Variants in GUCY2C observed in about 807,000 individuals in gnomAD.
The protein encoded by GUCY2C is guanylyl cyclase C.
Under a neutral mutation model 131.1 loss-of-function variants are expected in GUCY2C, and 118 were observed. The ratio of observed to expected loss-of-function variants is 0.90; its 90% confidence interval spans 0.78 to 1.05. The LOEUF is 1.05. Ranked by LOEUF, GUCY2C falls within the 50% of genes least tolerant of loss-of-function variation. The pLI, the probability that GUCY2C is intolerant of heterozygous loss-of-function variation, is 0.00. For missense variants in GUCY2C, 1,161 were observed against 1,304.4 expected, an observed-to-expected ratio of 0.89 and a Z score of 1.69; for synonymous variants, 452 against 457.8, an observed-to-expected ratio of 0.99 and a Z score of 0.16.
rs557454915 is a variant in GUCY2C, at chr12:14,631,465, A to G, written c.2158-2728T>C. 8.2e-3 allele frequency among the ~76,000 whole-genome samples: 1,241 copies of G among 151,316 alleles called. 8 individuals carry two copies. The highest frequency in any genetic ancestry group is 0.014 in the Middle Eastern group (4 of 294). ...TCTCATTGTTCAATTCCACCTATGA[A>G]TGAGAACATGCGGTGTTTGGTTTTT... On this transcript the variant is annotated intron_variant, in intron 19 of 26. Transcript: ENST00000261170.
rs118078831 is a variant in GUCY2C at position 14,613,277 on chromosome 12, C to T, written c.3062G>A (p.Arg1021His). The change falls in exon 27 of 27, where the codon CGT becomes CAT. Residue 1021 changes from arginine (R) to histidine (H), a missense_variant. Physicochemically the swap from Arg to His is conservative, Grantham distance 29. Transcript: ENST00000261170. The surrounding 1 kb of genome is among the most constrained non-coding windows in gnomAD (Gnocchi z 4.9). Reference sequence around the variant, plus strand: ...CATGTCTGAAAATTCTGCTTGCAAACGCTGTTGATTCTCCCTGGAAACAGA... The same window carrying T: ...CATGTCTGAAAATTCTGCTTGCAAATGCTGTTGATTCTCCCTGGAAACAGA... ...PTPPTVENQQ[R>H]LQAEFSDMIA... 1.2e-4 allele frequency: 197 copies of T among 1,612,526 alleles called. 1 individual carries two copies. In the East Asian group the frequency reaches 1.5e-3, roughly 13 times the overall value.
chr12:14,615,720 A>G (rs969901916), intron 25 of GUCY2C, among the ~76,000 whole-genome samples: 36 of 151,910 alleles, frequency 2.4e-4, no homozygotes, highest in African/African-American at 8.5e-4. Flanking sequence ...ATAGCAATCC[A>G]TAAACTGGTT....
chr12:14,657,185 A>G (rs1947780935), intron 11 of GUCY2C, among the ~76,000 whole-genome samples: 1 of 152,118 alleles, frequency 6.6e-6, no homozygotes, highest in Non-Finnish European at 1.5e-5. Flanking sequence ...GTTTTTCACT[A>G]AGGCAGTCCT....
At chr12:14,692,447 A>G (rs745589524) in intron 1 of GUCY2C, among the ~76,000 whole-genome samples, 26 of 152,154 alleles carry the variant, frequency 1.7e-4, no homozygotes, top group Non-Finnish European at 3.7e-4. Context: ...TGAATTTATA[A>G]AAAATGTTTA....
chr12:14,667,933 A>G (rs916139665), intron 10 of GUCY2C, among the ~76,000 whole-genome samples: 3 of 151,446 alleles, frequency 2.0e-5, no homozygotes, highest in African/African-American at 7.3e-5. Context: ...GTCATTTAAC[A>G]TTCTTCATAA....
chr12:14,672,006 A>G (rs543068900), intron 9 of GUCY2C, among the ~76,000 whole-genome samples: 1 of 152,278 alleles, frequency 6.6e-6, no homozygotes, highest in East Asian at 1.9e-4. Flanking sequence ...TCCATTGCAG[A>G]TATCTTTTAC....
intron 6 of GUCY2C, among the ~76,000 whole-genome samples, 171 bp downstream of exon 6, chr12:14,679,486 A>G (rs1038011356): frequency 5.9e-5 from 9 of 152,260 alleles, no homozygotes; most frequent in Non-Finnish European, 1.5e-5. Context: ...TCTCTGCTAA[A>G]GCCACAATTA....
chr12:14,639,198 C>T (rs1010129537), intron 19 of GUCY2C, among the ~76,000 whole-genome samples: 2 of 149,438 alleles, frequency 1.3e-5, no homozygotes, highest in Non-Finnish European at 3.0e-5. Context: ...CTCAGGAGGC[C>T]GAGGCAGGAG....
chr12:14,671,540 A>G (rs1171597652), intron 9 of GUCY2C, among the ~76,000 whole-genome samples: 4 of 152,228 alleles, frequency 2.6e-5, no homozygotes, highest in Admixed American at 2.6e-4. Context: ...ATAGATTATC[A>G]TCCCTTTAAC....
At chr12:14,654,847 T>A (rs893865861) in intron 12 of GUCY2C, among the ~76,000 whole-genome samples, 1 of 152,112 alleles carries the variant, frequency 6.6e-6, no homozygotes, top group African/African-American at 2.4e-5. Flanking sequence ...CTCTTCCTAG[T>A]GTTATATTAA....
intron 11 of GUCY2C, 54 bp from the exon 12 acceptor site, chr12:14,656,671 A>C: frequency 1.1e-6 from 1 of 879,580 alleles, no homozygotes. Flanking sequence ...CATGTCATTC[A>C]GCTTCTGAAG....
rs61920219 is a variant in GUCY2C, at chr12:14,692,575, C to T, written c.217+3657G>A. ...GTTTAAAGAGGTCCTAGGCCAGGTG[C>T]GGTGGCTCACGCCTATAATCCCAGC... On this transcript the variant is annotated intron_variant, in intron 1 of 26. Coordinates refer to ENST00000261170, the MANE Select transcript of GUCY2C (RefSeq NM_004963.4). 9.3e-3 allele frequency among the ~76,000 whole-genome samples: 1,419 copies of T among 152,264 alleles called. 14 individuals are homozygous for T. The highest frequency in any genetic ancestry group is 0.033 in the African/African-American group (1,358 of 41,534).
At chr12:14,624,754 T>TA (rs1275993567) in intron 21 of GUCY2C, among the ~76,000 whole-genome samples, 1 of 152,186 alleles carries the variant, frequency 6.6e-6, no homozygotes, top group African/African-American at 2.4e-5. Context: ...GGAAATCCAA[T>TA]AAAAACATCT....
At chr12:14,637,196 C>CA (rs3083857) in intron 19 of GUCY2C, among the ~76,000 whole-genome samples, 8,216 of 123,370 alleles carry the variant, frequency 0.067, 805 homozygotes, top group African/African-American at 0.21. Context: ...CAATAGCTAC[C>CA]AAAAAAAAAA....
chr12:14,625,864 A>G lies in GUCY2C; in HGVS notation c.2301T>C (p.Arg767=). The stretch of plus-strand genomic sequence containing the variant: ...CCAGGTTTCGAGAATATAGCTGTAG[A>G]CGTCGGATCAAGGTATCCATATAGC... ...NESYMDTLIR[R]LQLYSRNLEH... is the part of the protein sequence containing the mutation. The change falls in exon 21 of 27, where the codon CGT becomes CGC. Residue 767 remains arginine (R), a synonymous_variant. Transcript: ENST00000261170. The G allele has an allele frequency of 6.2e-7, 1 of 1,613,836 alleles. No homozygotes were observed. Among genetic ancestry groups the G allele is most frequent in the Non-Finnish European group, 8.5e-7 (1 of 1,179,730 alleles).
chr12:14,620,160 G>A (rs894669469), intron 23 of GUCY2C, among the ~76,000 whole-genome samples: 1 of 152,144 alleles, frequency 6.6e-6, no homozygotes, highest in African/African-American at 2.4e-5. Flanking sequence ...TTGGCCTGAG[G>A]CTGCCTCTTA....
chr12:14,619,196 AG>A lies in GUCY2C; in HGVS notation c.2875+14del. 1.4e-6 allele frequency: 2 copies of A among 1,463,936 alleles called. No homozygotes were observed. The highest frequency in any genetic ancestry group is 1.9e-6 in the Non-Finnish European group (2 of 1,043,742). 90.7% of individuals were successfully genotyped at this position (1,463,936 alleles called of 1,614,324 possible). A position where few individuals can be genotyped will look rare whatever the true frequency, so the allele number is the denominator to read the frequency against. ...AGCATCTTTGTCCTCTGAGAAAAAC[AG>A]TCTCCCTTCTTACGGAGGCCAGTGG... On this transcript the variant is annotated intron_variant, in intron 24 of 26. Coordinates refer to ENST00000261170, the MANE Select transcript of GUCY2C (RefSeq NM_004963.4).
chr12:14,616,779 G>T, intron 24 of GUCY2C, 52 bp from the exon 25 acceptor site: 1 of 973,322 alleles, frequency 1.0e-6, no homozygotes, highest in Non-Finnish European at 1.7e-6. Context: ...CAGCCTATTT[G>T]TTTCCCGTTG....
chr12:14,626,651 A>C (rs1486245496), intron 20 of GUCY2C, among the ~76,000 whole-genome samples: 5 of 152,358 alleles, frequency 3.3e-5, no homozygotes, highest in Non-Finnish European at 1.5e-5. Flanking sequence ...TGGTTAAAAT[A>C]TGATGGGACA....
Sources: allele counts gnomAD v4.1 joint callset (sites outside exome capture counted in the v4.1 genomes callset), GRCh38; gene constraint gnomAD v4.1.1; non-coding constraint Gnocchi (gnomAD v3.1); transcripts MANE v1.5; gene names NCBI Gene and HGNC (gene_info 2026-07-23, HGNC 2026-07-21).